GRID1: variants seen among roughly 807,000 people sequenced by gnomAD.
GRID1 encodes glutamate ionotropic receptor delta type subunit 1, also known as glutamate receptor ionotropic, delta-1.
Under a neutral mutation model 98.0 loss-of-function variants are expected in GRID1, and 28 were observed. The ratio of observed to expected loss-of-function variants is 0.29; its 90% CI spans 0.21 to 0.39. The LOEUF is 0.39. Ranked by LOEUF, GRID1 falls within the 10% of genes least tolerant of loss-of-function variation. GRID1 has a pLI of 1.00. For missense variants in GRID1, 1,111 were observed against 1,340.5 expected (o/e 0.83, Z 2.67); for synonymous variants, 553 against 538.5 (o/e 1.03, Z -0.37).
chr10:86,099,764 G>A (rs1844269173), intron 4 of GRID1, among the ~76,000 whole-genome samples: 1 of 152,178 alleles, frequency 6.6e-6, no homozygotes, highest in African/African-American at 2.4e-5. Flanking sequence ...TCCATCCTCA[G>A]GGTCCGACTG....
At chr10:85,829,316 T>G (rs1255811473) in intron 8 of GRID1, among the ~76,000 whole-genome samples, 1 of 149,710 alleles carries the variant, frequency 6.7e-6, no homozygotes, top group African/African-American at 2.5e-5. Flanking sequence ...AAAAAAAAAG[T>G]CATATATAAC....
At chr10:86,237,826 C>T in intron 2 of GRID1, among the ~76,000 whole-genome samples, 1 of 152,300 alleles carries the variant, frequency 6.6e-6, no homozygotes, top group South Asian at 2.1e-4. Flanking sequence ...GTCATGCTTC[C>T]TGTACAGCCT....
intron 6 of GRID1, among the ~76,000 whole-genome samples, chr10:85,868,225 C>T (rs1393275814): frequency 6.6e-6 from 1 of 152,192 alleles, no homozygotes; most frequent in Admixed American, 6.5e-5. Context: ...TGTCCTGGTG[C>T]TCTCACTAAG....
chr10:85,992,675 C>T (rs1022458567), intron 4 of GRID1, among the ~76,000 whole-genome samples: 6 of 152,068 alleles, frequency 3.9e-5, no homozygotes, highest in African/African-American at 1.4e-4. Context: ...AGAGGCCAGG[C>T]ACAGTGGCTC....
intron 5 of GRID1, among the ~76,000 whole-genome samples, chr10:85,878,271 G>A (rs1416259666): frequency 3.3e-5 from 5 of 151,888 alleles, no homozygotes; most frequent in Non-Finnish European, 5.9e-5. Flanking sequence ...TACAGAGAAC[G>A]CCACAAAGAT....
At chr10:86,201,256 A>C (rs372912884) in intron 3 of GRID1, among the ~76,000 whole-genome samples, 2 of 152,222 alleles carry the variant, frequency 1.3e-5, no homozygotes, top group African/African-American at 4.8e-5. Context: ...CATCAAACGG[A>C]TCAATCTCAA....
chr10:85,927,902 G>C (rs1841798134), intron 4 of GRID1, among the ~76,000 whole-genome samples: 1 of 152,222 alleles, frequency 6.6e-6, no homozygotes, highest in Non-Finnish European at 1.5e-5. Context: ...CAATAGTCCA[G>C]AAAAGAGGCA....
intron 5 of GRID1, among the ~76,000 whole-genome samples, chr10:85,875,649 T>C (rs1278970860): frequency 6.6e-6 from 1 of 152,206 alleles, no homozygotes; most frequent in East Asian, 1.9e-4. Context: ...TATCTTTTAT[T>C]GGTTATGCTA....
At chr10:86,196,564 A>T (rs192596137) in intron 3 of GRID1, among the ~76,000 whole-genome samples, 3 of 152,222 alleles carry the variant, frequency 2.0e-5, no homozygotes, top group East Asian at 3.9e-4. Flanking sequence ...AAGAGAACTA[A>T]GTCTTCCAAC....
intron 8 of GRID1, among the ~76,000 whole-genome samples, chr10:85,851,559 C>G (rs937460389): frequency 6.6e-6 from 1 of 152,196 alleles, no homozygotes; most frequent in African/African-American, 2.4e-5. Flanking sequence ...GACTCACCAT[C>G]CCTGAGATTT....
At chr10:85,779,234 C>T (rs1363186291) in intron 8 of GRID1, among the ~76,000 whole-genome samples, 6 of 152,118 alleles carry the variant, frequency 3.9e-5, no homozygotes, top group Non-Finnish European at 5.9e-5. Context: ...TCTCAGTCTA[C>T]GAAGGCCTCC....
chr10:85,814,186 G>A (rs1464067562), intron 8 of GRID1, among the ~76,000 whole-genome samples: 1 of 151,678 alleles, frequency 6.6e-6, no homozygotes, highest in African/African-American at 2.4e-5. Context: ...ACCCTGCCAT[G>A]GGCTGCATAT....
intron 5 of GRID1, among the ~76,000 whole-genome samples, chr10:85,914,901 A>G (rs115449980): frequency 7.2e-5 from 11 of 152,290 alleles, no homozygotes; most frequent in African/African-American, 2.6e-4. Context: ...AATATAGTGC[A>G]CTGAGGTCAC....
intron 8 of GRID1, among the ~76,000 whole-genome samples, chr10:85,766,345 G>A (rs1034635664): frequency 1.3e-5 from 2 of 152,152 alleles, no homozygotes; most frequent in African/African-American, 4.8e-5. Context: ...AATTAGCCTG[G>A]TGGGGTGGCA....
At chr10:86,088,081 A>G (rs1844091244) in intron 4 of GRID1, among the ~76,000 whole-genome samples, 1 of 152,254 alleles carries the variant, frequency 6.6e-6, no homozygotes, top group Admixed American at 6.5e-5. Context: ...TAAAGGCACA[A>G]TCTTGCTCAA....
chr10:86,161,341 G>A (rs1460686553), intron 3 of GRID1, among the ~76,000 whole-genome samples: 1 of 152,116 alleles, frequency 6.6e-6, no homozygotes, highest in Non-Finnish European at 1.5e-5. Context: ...GGAAGACAGG[G>A]CACTTGGAGA....
chr10:85,950,181 AG>A (rs1842102161), intron 4 of GRID1, among the ~76,000 whole-genome samples: 7 of 152,168 alleles, frequency 4.6e-5, no homozygotes, highest in Admixed American at 2.0e-4. Context: ...TGGCAATGGG[AG>A]GTTTACATTC....
At chr10:86,232,509 T>C (rs1846472706) in intron 2 of GRID1, among the ~76,000 whole-genome samples, 1 of 152,216 alleles carries the variant, frequency 6.6e-6, no homozygotes, top group Non-Finnish European at 1.5e-5. Context: ...CCACCCATCC[T>C]GAACCTACCC....
intron 8 of GRID1, among the ~76,000 whole-genome samples, chr10:85,773,922 G>A (rs1314257386): frequency 6.6e-6 from 1 of 152,182 alleles, no homozygotes; most frequent in Admixed American, 6.5e-5. Context: ...TAGATTCAAT[G>A]CCATTCCCAT....
Sources: allele counts gnomAD v4.1 joint callset (sites outside exome capture counted in the v4.1 genomes callset), GRCh38; gene constraint gnomAD v4.1.1; transcripts MANE v1.5; gene names NCBI Gene and HGNC (gene_info 2026-07-23, HGNC 2026-07-21).